The following ERI1 variants were observed in gnomAD, a reference collection of about 807,000 sequenced individuals.
ERI1 encodes 3'-5' exoribonuclease 1.
Under a neutral mutation model 39.7 loss-of-function variants are expected in ERI1, and 39 were observed. The observed-to-expected ratio is 0.98, with a 90% CI of 0.76 to 1.28. The LOEUF is 1.28. ERI1 is among the 50% of genes most tolerant of loss of function. The pLI is 0.00. For synonymous variants in ERI1, 204 were observed against 149.6 expected, an observed-to-expected ratio of 1.36 and a Z score of -2.65; for missense variants, 581 against 416.9, an observed-to-expected ratio of 1.39 and a Z score of -3.43.
In ERI1 at chr8:9,078,135, G is replaced by A. The variant is rs185292932; in HGVS notation, n.300-38213G>A. 3.9e-5 allele frequency among the ~76,000 whole-genome samples: 6 copies of A among 152,112 alleles called. No individual in the cohort carries two copies. The South Asian group carries it at 8.3e-4, about 21-fold the overall frequency. On this transcript the variant is annotated intron_variant and non_coding_transcript_variant, in intron 3 of 3. Transcript: ENST00000518663. The stretch of plus-strand genomic sequence containing the variant: ...CTCCCGAGTAGCTGGGACGACATGC[G>A]TGCGCCACCACGCCTGGCTAATTTT...
intron 3 of ERI1, among the ~76,000 whole-genome samples, chr8:9,090,364 T>C (rs1188450526): frequency 6.6e-6 from 1 of 152,174 alleles, no homozygotes; most frequent in Admixed American, 6.5e-5. Flanking sequence ...AAAGTTCTCA[T>C]TGGTTGACCC....
rs532125315 is a variant in ERI1 at position 9,055,061 on chromosome 8, T to A, written n.299+34597T>A. Among the ~76,000 whole-genome samples, 8 of 152,284 alleles carry A rather than the reference T, an allele frequency of 5.3e-5. No homozygotes were observed. The South Asian group carries it at 1.7e-3, about 32-fold the overall frequency. ...AGAGTTTAATTGAGTAAACAACAATTCGCGAATCAGCAGCTGCCTGAGCCA... is the reference window on the plus strand; with the variant it reads ...AGAGTTTAATTGAGTAAACAACAATACGCGAATCAGCAGCTGCCTGAGCCA... On this transcript the variant is annotated intron_variant and non_coding_transcript_variant, in intron 3 of 3. Coordinates refer to the ERI1 transcript ENST00000518663.
rs1005104936 is a variant in ERI1, at chr8:9,032,176, G to T, written c.*2142G>T. On this transcript the variant is annotated 3_prime_UTR_variant, in exon 7 of 7. Transcript: ENST00000250263. ...ACTGCTTTTTACTCTGACTTTTATT[G>T]TGTTGTCTTTGAAAGACAAATAGTA... 4 of 152,156 alleles carry T rather than the reference G, an allele frequency of 2.6e-5. No individual in the cohort carries two copies. Among genetic ancestry groups the T allele is most frequent in the Non-Finnish European group, 5.9e-5 (4 of 68,030 alleles). 9.4% of individuals were successfully genotyped at this position (152,156 alleles called of 1,614,324 possible).
intron 3 of ERI1, among the ~76,000 whole-genome samples, chr8:9,044,111 G>T (rs1329977669): frequency 6.6e-6 from 1 of 152,164 alleles, no homozygotes; most frequent in Non-Finnish European, 1.5e-5. Context: ...GTTGTTGTCG[G>T]AGTTAAATAG....
chr8:9,003,272 TG>T, intron 1 of ERI1, 101 bp downstream of exon 1: 1 of 680,706 alleles, frequency 1.5e-6, no homozygotes, highest in Non-Finnish European at 2.1e-6. Flanking sequence ...AAGGTGCAGC[TG>T]TGCGCCCTTG....
At chr8:9,011,514 G>C in intron 2 of ERI1, 28 bp from the exon 3 acceptor site, 1 of 1,488,964 alleles carries the variant, frequency 6.7e-7, no homozygotes, top group East Asian at 2.3e-5. Context: ...ATTTACCTAA[G>C]TGTAACTAGT....
chr8:9,077,851 T>C (rs1799254996), intron 3 of ERI1, among the ~76,000 whole-genome samples: 1 of 152,196 alleles, frequency 6.6e-6, no homozygotes, highest in East Asian at 1.9e-4. Flanking sequence ...CAAAGCAGCA[T>C]ATTTGGGGAA....
At chr8:9,062,191 T>C (rs1334017957) in intron 3 of ERI1, among the ~76,000 whole-genome samples, 1 of 152,016 alleles carries the variant, frequency 6.6e-6, no homozygotes, top group Non-Finnish European at 1.5e-5. Flanking sequence ...GATATTGGCA[T>C]TGAGTGGGTA....
intron 3 of ERI1, chr8:9,072,383 C>G (rs1799080829): frequency 6.6e-6 from 1 of 152,124 alleles, no homozygotes. Flanking sequence ...TATTTGGAAG[C>G]CTATTCACAG....
chr8:9,006,412 A>C (rs1816026973), intron 1 of ERI1, among the ~76,000 whole-genome samples: 1 of 152,244 alleles, frequency 6.6e-6, no homozygotes, highest in South Asian at 2.1e-4. Flanking sequence ...ATGAGAATTA[A>C]CCAGTGAATC....
chr8:9,073,021 C>G lies in ERI1; in HGVS notation n.300-43327C>G, dbSNP rs1163605468. On this transcript the variant is annotated intron_variant and non_coding_transcript_variant, in intron 3 of 3. Transcript: ENST00000518663. ...GTGGTTTTCTTTAATTTACACCCCT[C>G]TTCTACTCTGCTGGCCTTCAGGATT... 2.6e-5 allele frequency among the ~76,000 whole-genome samples: 4 copies of G among 152,230 alleles called. 1 individual carries two copies. The highest frequency in any genetic ancestry group is 2.6e-4 in the Admixed American group (4 of 15,278).
At chr8:9,033,814 G>A (rs1450909072), downstream of ERI1, among the ~76,000 whole-genome samples, 1 of 152,174 alleles carries the variant, frequency 6.6e-6, no homozygotes, top group African/African-American at 2.4e-5. Context: ...GGCTTAACCT[G>A]ATATTCCAGG....
Position 9,031,321 on chromosome 8 carries a change from C to A in ERI1, c.*1287C>A, listed in dbSNP as rs1797573622. ...TGGCGTGGGAATTCTCTACATAGGG[C>A]AGTAGATTTCTTAAGCCAATGAATT... is the stretch of plus-strand genomic sequence containing the variant. On this transcript the variant is annotated 3_prime_UTR_variant, in exon 7 of 7. Coordinates refer to ENST00000250263, the MANE Select transcript of ERI1 (RefSeq NM_153332.4). The A allele has an allele frequency of 6.6e-6, 1 of 152,114 alleles. No individual in the cohort carries two copies. Among genetic ancestry groups the A allele is most frequent in the Admixed American group, 6.5e-5 (1 of 15,268 alleles). 9.4% of individuals were successfully genotyped at this position (152,114 alleles called of 1,614,324 possible).
downstream of ERI1, among the ~76,000 whole-genome samples, chr8:9,037,612 T>C (rs796404695): frequency 1.3e-5 from 2 of 152,078 alleles, no homozygotes; most frequent in Non-Finnish European, 2.9e-5. Flanking sequence ...TAATTAGTGA[T>C]GGTAAAATGT....
chr8:9,075,705 A>T (rs1422569648), intron 3 of ERI1, among the ~76,000 whole-genome samples: 1 of 152,212 alleles, frequency 6.6e-6, no homozygotes, highest in Non-Finnish European at 1.5e-5. Flanking sequence ...CTCAGGGAAA[A>T]TGAACATGAA....
rs758835506 is a variant in ERI1 at position 9,015,722 on chromosome 8, C to CAAAAAA, written c.499-586_499-581dup. Among the ~76,000 whole-genome samples, 290 of 56,536 alleles carry CAAAAAA rather than the reference C, an allele frequency of 5.1e-3. 23 individuals carry two copies. Among genetic ancestry groups the CAAAAAA allele is most frequent in the African/African-American group, 0.018 (224 of 12,260 alleles). The allele number at this position is 56,536 out of a possible 152,430, so 37.1% of individuals were successfully genotyped here. ...GGGAGACAGAGCGAGACTCTGTCTC[C>CAAAAAA]AAAAAAAAAAAAAAAAAAAGAGACC... On this transcript the variant is annotated intron_variant, in intron 3 of 6. Coordinates refer to ENST00000250263, the MANE Select transcript of ERI1 (RefSeq NM_153332.4).
chr8:9,026,566 C>A (rs1234106993), intron 6 of ERI1, among the ~76,000 whole-genome samples: 1 of 152,128 alleles, frequency 6.6e-6, no homozygotes, highest in Non-Finnish European at 1.5e-5. Context: ...AGAATTCTAC[C>A]TTTCTGAGGC....
intron 2 of ERI1, 31 bp downstream of exon 2, chr8:9,008,179 A>G (rs1563308746): frequency 6.8e-7 from 1 of 1,472,082 alleles, no homozygotes; most frequent in Admixed American, 2.4e-5. Flanking sequence ...AAATTATAAA[A>G]GTAGTACATG....
rs796295481 is a variant in ERI1, at chr8:9,029,690, C to G, written c.808-102C>G. On this transcript the variant is annotated intron_variant, in intron 6 of 6. Transcript: ENST00000250263. Reference sequence around the variant, plus strand: ...TTGCCCTTTGCCTAGCTTTATTTAGCTGTTAGTGCTAATTTTCAGTTTCTT... The same window carrying G: ...TTGCCCTTTGCCTAGCTTTATTTAGGTGTTAGTGCTAATTTTCAGTTTCTT... The G allele has an allele frequency of 7.3e-6, 10 of 1,369,718 alleles. No homozygotes were observed. The East Asian group carries it at 1.6e-4, about 22-fold the overall frequency. The allele number at this position is 1,369,718 out of a possible 1,614,324, so 84.8% of individuals were successfully genotyped here.
Sources: gnomAD v4.1 joint callset for allele counts (sites outside exome capture counted in the v4.1 genomes callset) on GRCh38, gnomAD v4.1.1 for gene constraint, MANE v1.5 for transcripts, NCBI Gene and HGNC (gene_info 2026-07-23, HGNC 2026-07-21) for gene names.